TMLHE: variants seen among roughly 807,000 people sequenced by gnomAD.
TMLHE encodes trimethyllysine hydroxylase, epsilon, also known as trimethyllysine dioxygenase, mitochondrial.
TMLHE carries 18 observed loss-of-function variants against 25.7 expected under a neutral mutation model. That is an observed-to-expected ratio of 0.70 (90% CI 0.48 to 1.04). TMLHE has a LOEUF of 1.04. Ranked by LOEUF, TMLHE falls within the 50% of genes least tolerant of loss-of-function variation. The probability of loss-of-function intolerance (pLI) is 0.00; values close to 1 mark genes in which losing one functional copy is unlikely to be tolerated. For synonymous variants in TMLHE, 105 were observed against 97.0 expected, an observed-to-expected ratio of 1.08 and a Z score of -0.49; for missense variants, 236 against 259.0, an observed-to-expected ratio of 0.91 and a Z score of 0.61.
At chrX:155,573,799 C>T (rs1213663889) in intron 1 of TMLHE, among the ~76,000 whole-genome samples, 1 of 44,606 alleles carries the variant, frequency 2.2e-5, no homozygotes, top group Admixed American at 3.4e-4. Flanking sequence ...CACATGGACA[C>T]AGGAAGGGGA....
chrX:155,568,797 A>G (rs2067525838), intron 1 of TMLHE, among the ~76,000 whole-genome samples: 1 of 61,450 alleles, frequency 1.6e-5, no homozygotes, highest in South Asian at 9.5e-4. Context: ...AGGAAAACTA[A>G]CAAACAGAAA....
At chrX:155,512,396 C>T (rs923434129) in intron 4 of TMLHE, among the ~76,000 whole-genome samples, 3 of 104,050 alleles carry the variant, frequency 2.9e-5, no homozygotes, top group Admixed American at 1.1e-4. Flanking sequence ...TCAATTCCCA[C>T]CTATGAGTGA....
At chrX:155,537,869 C>G (rs1292272160) in intron 2 of TMLHE, among the ~76,000 whole-genome samples, 1 of 111,249 alleles carries the variant, frequency 9.0e-6, no homozygotes, top group Non-Finnish European at 1.9e-5. Flanking sequence ...TTGACAAATA[C>G]TGTGTTTTGT....
chrX:155,527,310 C>G (rs2067225350), intron 2 of TMLHE, among the ~76,000 whole-genome samples: 1 of 111,799 alleles, frequency 8.9e-6, no homozygotes, highest in Admixed American at 9.5e-5. Flanking sequence ...GCACTTCCCC[C>G]TTTGCTGTCT....
At chrX:155,548,838 G>C (rs1393035974) in intron 1 of TMLHE, among the ~76,000 whole-genome samples, 1 of 110,581 alleles carries the variant, frequency 9.0e-6, no homozygotes, top group Admixed American at 9.5e-5. Context: ...GGTCAATATG[G>C]TCAATCAATT....
rs781844212 is a variant in TMLHE at position 155,524,624 on chromosome X, A to G, written c.190T>C (p.Tyr64His). The change falls in exon 3 of 8, where the codon TAT becomes CAT. Residue 64 changes from tyrosine (Y) to histidine (H), a missense_variant. Coordinates refer to ENST00000334398, the MANE Select transcript of TMLHE (RefSeq NM_018196.4). The stretch of plus-strand genomic sequence containing the variant: ...TCAAAGCGCATCACGGTATTAGCAT[A>G]TTTCAGCTCTAGGGAAAAGATCACA... The part of the protein sequence containing the change: ...QQHEDHFELK[Y>H]ANTVMRFDYV... 1 of 1,172,728 alleles carries G rather than the reference A, an allele frequency of 8.5e-7. No individual in the cohort carries two copies. Among genetic ancestry groups the G allele is most frequent in the Non-Finnish European group, 1.1e-6 (1 of 875,343 alleles).
At chrX:155,510,959 G>A (rs1817880072) in intron 5 of TMLHE, among the ~76,000 whole-genome samples, 2 of 109,859 alleles carry the variant, frequency 1.8e-5, no homozygotes, top group Admixed American at 9.8e-5. Context: ...GTGTGAGATG[G>A]TATCTCATTG....
intron 1 of TMLHE, among the ~76,000 whole-genome samples, chrX:155,552,003 T>C (rs1184351536): frequency 9.1e-6 from 1 of 110,278 alleles, no homozygotes; most frequent in Non-Finnish European, 1.9e-5. Context: ...TTTGACTGTA[T>C]GATTTTTCTC....
intron 3 of TMLHE, among the ~76,000 whole-genome samples, chrX:155,517,047 CT>C (rs1224856280): frequency 1.7e-5 from 1 of 59,588 alleles, no homozygotes; most frequent in African/African-American, 4.0e-5. Flanking sequence ...TCAATTTTGG[CT>C]TTGGTTGCCA....
chrX:155,579,580 T>C (rs781900116), intron 1 of TMLHE, among the ~76,000 whole-genome samples: 3 of 111,952 alleles, frequency 2.7e-5, no homozygotes, highest in Non-Finnish European at 5.6e-5. Context: ...CAAAGGTATA[T>C]TACATAATGC....
chrX:155,509,744 A>G (rs1473757230), intron 5 of TMLHE, among the ~76,000 whole-genome samples: 1 of 111,643 alleles, frequency 9.0e-6, no homozygotes, highest in Non-Finnish European at 1.9e-5. Flanking sequence ...CAGTGTAACC[A>G]TGAGCAATTG....
intron 1 of TMLHE, among the ~76,000 whole-genome samples, chrX:155,582,756 C>T (rs1172540193): frequency 8.9e-6 from 1 of 112,113 alleles, no homozygotes; most frequent in Non-Finnish European, 1.9e-5. Context: ...TTGTGGAAGA[C>T]AGTGTGGCGA....
chrX:155,551,816 T>C lies in TMLHE; in HGVS notation c.-1-6539A>G, dbSNP rs936976258. ...TGTCCTCCCTCCTTATTATGACTAT[T>C]TATTCATTTTGTTATATATGTAGTA... On this transcript the variant is annotated intron_variant, in intron 1 of 7. Transcript: ENST00000334398. Among the ~76,000 whole-genome samples the C allele has an allele frequency of 6.3e-5, 7 of 110,439 alleles. 2 individuals are homozygous for C. The highest frequency in any genetic ancestry group is 2.4e-4 in the African/African-American group (7 of 29,651).
intron 1 of TMLHE, among the ~76,000 whole-genome samples, chrX:155,556,980 A>G (rs1265885944): frequency 8.9e-6 from 1 of 112,376 alleles, no homozygotes. Flanking sequence ...TGTTCTGCCC[A>G]GCTCACCGGC....
intron 1 of TMLHE, among the ~76,000 whole-genome samples, chrX:155,586,452 G>A (rs1297014450): frequency 5.4e-5 from 6 of 111,002 alleles, no homozygotes; most frequent in South Asian, 3.7e-4. Context: ...ACATAACAAC[G>A]CACTTGAAGG....
At chrX:155,547,207 CT>C (rs1569562039) in intron 1 of TMLHE, among the ~76,000 whole-genome samples, 1 of 94,475 alleles carries the variant, frequency 1.1e-5, no homozygotes. Context: ...TGCAGTGGCG[CT>C]ATCTCGGCTC....
chrX:155,547,389 C>T (rs782187404), intron 1 of TMLHE, among the ~76,000 whole-genome samples: 10 of 110,642 alleles, frequency 9.0e-5, no homozygotes, highest in Admixed American at 2.9e-4. Flanking sequence ...CGTGATCCGC[C>T]GCCTCAGCCT....
At chrX:155,592,977 C>T (rs1281816870) in intron 1 of TMLHE, among the ~76,000 whole-genome samples, 1 of 112,012 alleles carries the variant, frequency 8.9e-6, no homozygotes, top group East Asian at 2.8e-4. Flanking sequence ...AGCACAGGGG[C>T]TAGGCCTGCC....
intron 1 of TMLHE, among the ~76,000 whole-genome samples, chrX:155,547,285 C>T (rs1171338685): frequency 1.1e-5 from 1 of 88,621 alleles, no homozygotes; most frequent in Non-Finnish European, 2.3e-5. Flanking sequence ...GCTGGGACTA[C>T]AGGCACCTGC....
Sources: gnomAD v4.1 joint callset for allele counts (sites outside exome capture counted in the v4.1 genomes callset) on GRCh38, gnomAD v4.1.1 for gene constraint, MANE v1.5 for transcripts, NCBI Gene and HGNC (gene_info 2026-07-23, HGNC 2026-07-21) for gene names.